FNBP1: variants seen among roughly 807,000 people sequenced by gnomAD.
The protein encoded by FNBP1 is formin-binding protein 1.
Under a neutral mutation model 90.6 loss-of-function variants are expected in FNBP1, and 26 were observed. The ratio of observed to expected loss-of-function variants is 0.29; its 90% CI spans 0.21 to 0.40. FNBP1 has a LOEUF of 0.40. Ranked by LOEUF, FNBP1 falls within the 10% of genes least tolerant of loss-of-function variation. FNBP1 has a pLI of 1.00. For missense variants in FNBP1, 635 were observed against 768.0 expected (o/e 0.83, Z 2.05); for synonymous variants, 260 against 265.2 (o/e 0.98, Z 0.19).
chr9:129,898,459 C>T (rs985406004), intron 15 of FNBP1, among the ~76,000 whole-genome samples: 2 of 152,092 alleles, frequency 1.3e-5, no homozygotes, highest in Non-Finnish European at 2.9e-5. Context: ...CTCCCCGTTC[C>T]TCTGTATCCC....
At chr9:129,913,070 T>C (rs1436580968) in intron 11 of FNBP1, among the ~76,000 whole-genome samples, 3 of 151,992 alleles carry the variant, frequency 2.0e-5, no homozygotes, top group African/African-American at 4.8e-5. Context: ...TAGCTAGGCA[T>C]GATGGCAGTT....
At chr9:129,943,901 G>T (rs1439633643) in intron 6 of FNBP1, among the ~76,000 whole-genome samples, 1 of 150,920 alleles carries the variant, frequency 6.6e-6, no homozygotes, top group East Asian at 2.0e-4. Flanking sequence ...GCTGAGGCAG[G>T]AGAGTGGCGT....
intron 6 of FNBP1, among the ~76,000 whole-genome samples, chr9:129,954,202 G>A (rs2046591683): frequency 6.6e-6 from 1 of 151,956 alleles, no homozygotes; most frequent in African/African-American, 2.4e-5. Context: ...ATGATGAAAT[G>A]GATATATTAC....
chr9:129,911,055 T>G (rs527258518), intron 11 of FNBP1, among the ~76,000 whole-genome samples: 21 of 152,308 alleles, frequency 1.4e-4, no homozygotes, highest in Non-Finnish European at 2.2e-4. Flanking sequence ...GGATTATGGA[T>G]TTCACCACGT....
At chr9:129,995,890 C>A (rs1341095556) in intron 1 of FNBP1, among the ~76,000 whole-genome samples, 1 of 152,052 alleles carries the variant, frequency 6.6e-6, no homozygotes, top group East Asian at 1.9e-4. Context: ...CTCCAGCAGG[C>A]ACAAGAGGAC....
intron 4 of FNBP1, among the ~76,000 whole-genome samples, chr9:129,970,770 C>G (rs1039861950): frequency 6.6e-6 from 1 of 152,192 alleles, no homozygotes; most frequent in African/African-American, 2.4e-5. Flanking sequence ...GCTTCCAGGA[C>G]TGCTCATGTT....
chr9:129,923,145 G>T (rs1395374735), intron 10 of FNBP1, among the ~76,000 whole-genome samples: 2 of 152,054 alleles, frequency 1.3e-5, no homozygotes, highest in African/African-American at 4.8e-5. Flanking sequence ...TTACAGATGT[G>T]AACTATCACG....
intron 1 of FNBP1, among the ~76,000 whole-genome samples, chr9:130,038,316 C>CA (rs1330908033): frequency 6.8e-6 from 1 of 147,676 alleles, no homozygotes; most frequent in African/African-American, 2.5e-5. Context: ...GATCGTGCGA[C>CA]CCACTGCACT....
intron 4 of FNBP1, among the ~76,000 whole-genome samples, chr9:129,970,704 A>C (rs1180538163): frequency 6.6e-6 from 1 of 152,148 alleles, no homozygotes. Context: ...CTGAAAATGC[A>C]ATTGCCCTAA....
At chr9:130,020,619 AACATAAAACCAAAAGGT>A (rs2057734238) in intron 1 of FNBP1, among the ~76,000 whole-genome samples, 1 of 152,188 alleles carries the variant, frequency 6.6e-6, no homozygotes, top group Non-Finnish European at 1.5e-5. Flanking sequence ...ACTTCGCATC[AACATAAAACCAAAAGGT>A]ACTAAGAATT....
chr9:129,915,884 G>A (rs1044494595), intron 11 of FNBP1, 82 bp downstream of exon 11: 10 of 963,694 alleles, frequency 1.0e-5, no homozygotes, highest in South Asian at 8.5e-5. Flanking sequence ...TTGAAGATAC[G>A]TTGTGCATGG....
At chr9:130,000,271 G>A (rs567712370) in intron 1 of FNBP1, among the ~76,000 whole-genome samples, 2 of 152,194 alleles carry the variant, frequency 1.3e-5, no homozygotes, top group Admixed American at 6.6e-5. Context: ...CAGGCGGGTC[G>A]TCTGAGGTTA....
In FNBP1 at chr9:129,974,248, G is replaced by A. The variant is rs112849794; in HGVS notation, c.345+4217C>T. Among the ~76,000 whole-genome samples, 597 of 152,170 alleles carry A rather than the reference G, an allele frequency of 3.9e-3. 4 individuals are homozygous for A. The highest frequency in any genetic ancestry group is 0.014 in the African/African-American group (562 of 41,508). ...CATGCCTACAAACACGCACTGCCCC[G>A]AGAGGGAAGCAGCCTGGGGACCCCC... On this transcript the variant is annotated intron_variant, in intron 4 of 16. Transcript: ENST00000446176.
chr9:130,018,520 A>G (rs977832213), intron 1 of FNBP1, among the ~76,000 whole-genome samples: 2 of 152,108 alleles, frequency 1.3e-5, no homozygotes, highest in Non-Finnish European at 2.9e-5. Context: ...GGTGTGACCA[A>G]TAGTGCTGTA....
intron 6 of FNBP1, among the ~76,000 whole-genome samples, chr9:129,945,942 C>T (rs749217382): frequency 5.3e-5 from 8 of 152,118 alleles, no homozygotes; most frequent in African/African-American, 9.7e-5. Flanking sequence ...CCAAGGCAGA[C>T]GGATCACTTG....
intron 1 of FNBP1, among the ~76,000 whole-genome samples, chr9:130,000,135 T>G (rs373067437): frequency 4.6e-5 from 7 of 152,332 alleles, no homozygotes; most frequent in African/African-American, 1.7e-4. Flanking sequence ...TGGTCCACCT[T>G]ACATTTTGAA....
At position 129,890,267 on chromosome 9, in the gene FNBP1, AGTGGCC is replaced by A; in HGVS notation, c.*266_*271del. ...GTAGGGGCGTGTGTCCCACCGTCTC[AGTGGCC>A]TGCGCGGGGTGGGGAGGGGGAGCGA... On this transcript the variant is annotated 3_prime_UTR_variant, in exon 17 of 17. Coordinates refer to ENST00000446176, the MANE Select transcript of FNBP1 (RefSeq NM_015033.3). The surrounding 1 kb of genome is among the most constrained non-coding windows in gnomAD (Gnocchi z 5.8). 1 of 521,076 alleles carries A rather than the reference AGTGGCC, an allele frequency of 1.9e-6. No homozygotes were observed. Among genetic ancestry groups the A allele is most frequent in the Non-Finnish European group, 3.4e-6 (1 of 294,120 alleles). The allele number at this position is 521,076 out of a possible 1,614,324, so 32.3% of individuals were successfully genotyped here. A position where few individuals can be genotyped will look rare whatever the true frequency, so the allele number is the denominator to read the frequency against.
In FNBP1 at chr9:129,903,016, G is replaced by A. The variant is rs767877356; in HGVS notation, c.1296-15C>T. 1.2e-5 allele frequency: 19 copies of A among 1,558,698 alleles called. No individual in the cohort carries two copies. Among genetic ancestry groups the A allele is most frequent in the South Asian group, 5.9e-5 (5 of 84,918 alleles). On this transcript the variant is annotated splice_polypyrimidine_tract_variant and intron_variant, in intron 12 of 16. Transcript: ENST00000446176. ...TTATGGCATCTCTGAAAGAAAGAAC[G>A]AGTAGAATGCTGTAAAGGTTACTCC...
chr9:129,967,515 G>GA (rs994160274), intron 4 of FNBP1, among the ~76,000 whole-genome samples: 9 of 146,634 alleles, frequency 6.1e-5, no homozygotes, highest in Middle Eastern at 3.2e-3. Context: ...CTCCGTCTCA[G>GA]AAAAAAAAAA....
Sources: allele counts gnomAD v4.1 joint callset (sites outside exome capture counted in the v4.1 genomes callset), GRCh38; gene constraint gnomAD v4.1.1; non-coding constraint Gnocchi (gnomAD v3.1); transcripts MANE v1.5; gene names NCBI Gene and HGNC (gene_info 2026-07-23, HGNC 2026-07-21).